RBFOX1: variants seen among roughly 807,000 people sequenced by gnomAD.
The protein encoded by RBFOX1 is RNA binding fox-1 homolog 1.
In RBFOX1, 8 loss-of-function variants were observed where a neutral mutation model predicts 57.7. The ratio of observed to expected loss-of-function variants is 0.14; its 90% confidence interval spans 0.08 to 0.25. The LOEUF (loss-of-function observed/expected upper bound fraction) is 0.25. Among genes scored for constraint, RBFOX1 ranks in the 10% least tolerant of loss-of-function variants. The pLI, the probability that RBFOX1 is intolerant of heterozygous loss-of-function variation, is 1.00. For missense variants in RBFOX1, 611 were observed against 548.5 expected (o/e 1.11, Z -1.14); for synonymous variants, 326 against 222.4 (o/e 1.47, Z -4.15).
Position 6,656,703 on chromosome 16 carries a change from C to T in RBFOX1, c.-16+2053C>T, listed in dbSNP as rs2098655709. On this transcript the variant is annotated intron_variant, in intron 3 of 15. Coordinates refer to ENST00000550418, the MANE Select transcript of RBFOX1 (RefSeq NM_018723.4). Reference sequence around the variant, plus strand: ...GAAGCCTTGTTTCTGATGAGTTTTCCCATTTTTTTCTAAACTTGACCTCAT... The same window carrying T: ...GAAGCCTTGTTTCTGATGAGTTTTCTCATTTTTTTCTAAACTTGACCTCAT... 1.3e-5 allele frequency among the ~76,000 whole-genome samples: 2 copies of T among 151,580 alleles called. 1 individual carries two copies. Among genetic ancestry groups the T allele is most frequent in the South Asian group, 4.2e-4 (2 of 4,786 alleles).
At chr16:7,687,412 G>A (rs1183405113) in intron 14 of RBFOX1, among the ~76,000 whole-genome samples, 1 of 152,014 alleles carries the variant, frequency 6.6e-6, no homozygotes, top group Non-Finnish European at 1.5e-5. Flanking sequence ...TAAAGGATAT[G>A]AGCATAGCAT....
At chr16:5,264,868 CAG>C (rs779741025) in intron 1 of RBFOX1, among the ~76,000 whole-genome samples, 1 of 152,090 alleles carries the variant, frequency 6.6e-6, no homozygotes, top group Non-Finnish European at 1.5e-5. Flanking sequence ...TGATGGGAAA[CAG>C]AGCACCCCAC....
At chr16:7,265,957 G>A (rs1476049664) in intron 4 of RBFOX1, among the ~76,000 whole-genome samples, 2 of 128,370 alleles carry the variant, frequency 1.6e-5, no homozygotes, top group Non-Finnish European at 3.1e-5. Context: ...AGATCTGGTG[G>A]GTTTTTGTTT....
chr16:7,159,706 G>A (rs2077886180), intron 4 of RBFOX1, among the ~76,000 whole-genome samples: 2 of 152,162 alleles, frequency 1.3e-5, no homozygotes, highest in South Asian at 4.1e-4. Context: ...GTACAAATGT[G>A]GCTGGCTAGT....
chr16:7,391,351 C>A (rs895719856), intron 4 of RBFOX1, among the ~76,000 whole-genome samples: 5 of 152,168 alleles, frequency 3.3e-5, no homozygotes, highest in African/African-American at 1.2e-4. Flanking sequence ...AGAAGTTTCG[C>A]GTCCCAAGAT....
intron 3 of RBFOX1, among the ~76,000 whole-genome samples, chr16:6,974,728 C>G (rs986611497): frequency 6.6e-6 from 1 of 151,992 alleles, no homozygotes; most frequent in African/African-American, 2.4e-5. Flanking sequence ...CCATATTTTT[C>G]TTATCTCTTA....
At chr16:6,944,094 C>G (rs140378121) in intron 3 of RBFOX1, among the ~76,000 whole-genome samples, 6 of 152,204 alleles carry the variant, frequency 3.9e-5, no homozygotes, top group South Asian at 2.1e-4. Flanking sequence ...CCAGGCTAGA[C>G]TCTACTTAAG....
At chr16:7,482,526 C>T (rs1280205684) in intron 4 of RBFOX1, among the ~76,000 whole-genome samples, 1 of 147,918 alleles carries the variant, frequency 6.8e-6, no homozygotes, top group African/African-American at 2.5e-5. Context: ...ATGCATCTTC[C>T]CTTTGATTGC....
At chr16:5,898,047 C>G in intron 4 of RBFOX1, among the ~76,000 whole-genome samples, 1 of 152,204 alleles carries the variant, frequency 6.6e-6, no homozygotes, top group East Asian at 1.9e-4. Context: ...CACGGTTCTT[C>G]TTGACTGGGT....
intron 3 of RBFOX1, among the ~76,000 whole-genome samples, chr16:6,898,114 C>G (rs1404271203): frequency 6.6e-6 from 1 of 152,180 alleles, no homozygotes; most frequent in Non-Finnish European, 1.5e-5. Flanking sequence ...AATTCCACAC[C>G]ATATTCAGGA....
In RBFOX1 at chr16:6,126,065, C is replaced by G. The variant is rs75261657; in HGVS notation, c.-127+106073C>G. Among the ~76,000 whole-genome samples the G allele has an allele frequency of 1.2e-3, 189 of 152,274 alleles. 1 individual carries two copies. In the East Asian group the frequency reaches 0.028, roughly 23 times the overall value. ...TCCTATGACAAATGAGAAAAGAATT[C>G]TGTGATTCATTGAACAGTCAGATTT... On this transcript the variant is annotated intron_variant, in intron 1 of 15. Transcript: ENST00000550418.
intron 1 of RBFOX1, among the ~76,000 whole-genome samples, chr16:6,024,261 C>T (rs551887391): frequency 3.9e-5 from 6 of 152,206 alleles, no homozygotes; most frequent in South Asian, 2.1e-4. Context: ...ATAAGGCAGA[C>T]GAGAACTTTC....
chr16:6,496,032 G>C (rs2095759027), intron 2 of RBFOX1, among the ~76,000 whole-genome samples: 1 of 152,168 alleles, frequency 6.6e-6, no homozygotes, highest in Non-Finnish European at 1.5e-5. Flanking sequence ...AGGACAAAAT[G>C]TGGAAGACAA....
intron 4 of RBFOX1, among the ~76,000 whole-genome samples, chr16:5,938,587 A>G (rs1445374105): frequency 1.3e-5 from 2 of 152,200 alleles, no homozygotes; most frequent in East Asian, 1.9e-4. Flanking sequence ...CACATCCTTG[A>G]ATTTTTTAGC....
intron 3 of RBFOX1, among the ~76,000 whole-genome samples, chr16:6,914,065 A>G (rs1049522916): frequency 2.6e-5 from 4 of 152,216 alleles, no homozygotes; most frequent in African/African-American, 4.8e-5. Flanking sequence ...TTAGAAACCC[A>G]TCTTTTGTTT....
chr16:7,264,553 A>T (rs189192321), intron 4 of RBFOX1, among the ~76,000 whole-genome samples: 62 of 152,354 alleles, frequency 4.1e-4, no homozygotes, highest in Non-Finnish European at 7.5e-4. Context: ...GAAATCTGGT[A>T]TTGTGGCAGA....
rs974010946 is a variant in RBFOX1 at position 7,309,413 on chromosome 16, A to C, written c.28-208734A>C. Among the ~76,000 whole-genome samples the C allele has an allele frequency of 2.6e-5, 4 of 152,316 alleles. No individual in the cohort carries two copies. The East Asian group carries it at 7.7e-4, about 29-fold the overall frequency. On this transcript the variant is annotated intron_variant, in intron 4 of 15. Coordinates refer to ENST00000550418, the MANE Select transcript of RBFOX1 (RefSeq NM_018723.4). ...ACAATCACTTCTGAAAATTGTAAGC[A>C]TCTGTTCATCCACAGACCAAAGCCT...
chr16:6,874,599 A>T (rs910046960), intron 3 of RBFOX1, among the ~76,000 whole-genome samples: 1 of 151,852 alleles, frequency 6.6e-6, no homozygotes, highest in African/African-American at 2.4e-5. Context: ...TAAGTGAAGT[A>T]ACTCAGGAAT....
chr16:5,350,545 C>G (rs972080155), intron 1 of RBFOX1, among the ~76,000 whole-genome samples: 22 of 152,302 alleles, frequency 1.4e-4, no homozygotes, highest in African/African-American at 5.3e-4. Context: ...TTGGCTCCCA[C>G]TTCTAGAGCC....
Sources: allele counts gnomAD v4.1 joint callset (sites outside exome capture counted in the v4.1 genomes callset), GRCh38; gene constraint gnomAD v4.1.1; transcripts MANE v1.5; gene names NCBI Gene and HGNC (gene_info 2026-07-23, HGNC 2026-07-21).